CNTN1: variants seen among roughly 807,000 people sequenced by gnomAD.
CNTN1 encodes contactin-1.
CNTN1 carries 38 observed loss-of-function variants against 126.4 expected under a neutral mutation model. That is an observed-to-expected ratio of 0.30 (90% CI 0.23 to 0.39). CNTN1 has a LOEUF of 0.39. Ranked by LOEUF, CNTN1 falls within the 10% of genes least tolerant of loss-of-function variation. The pLI is 1.00. For missense variants in CNTN1, 1,009 were observed against 1,248.4 expected, an observed-to-expected ratio of 0.81 and a Z score of 2.89; for synonymous variants, 413 against 422.6, an observed-to-expected ratio of 0.98 and a Z score of 0.28.
intron 1 of CNTN1, among the ~76,000 whole-genome samples, chr12:40,727,376 A>G (rs1216804185): frequency 1.3e-5 from 2 of 152,046 alleles, no homozygotes; most frequent in African/African-American, 4.8e-5. Context: ...CAGAATTCAA[A>G]GCAAAGAGGA....
At chr12:40,817,227 G>A (rs1423744482) in intron 1 of CNTN1, among the ~76,000 whole-genome samples, 2 of 152,058 alleles carry the variant, frequency 1.3e-5, no homozygotes, top group Admixed American at 1.3e-4. Flanking sequence ...TCATTGATCT[G>A]CCTAATGCTG....
chr12:41,013,036 C>T (rs1948699803), intron 17 of CNTN1, among the ~76,000 whole-genome samples: 1 of 151,986 alleles, frequency 6.6e-6, no homozygotes, highest in Non-Finnish European at 1.5e-5. Context: ...AGAGGGGTCC[C>T]CGAGCAGAAA....
chr12:40,801,597 C>T (rs1025226259), intron 1 of CNTN1, among the ~76,000 whole-genome samples: 2 of 151,632 alleles, frequency 1.3e-5, no homozygotes, highest in African/African-American at 4.8e-5. Flanking sequence ...GCGCTCCTGA[C>T]AAGGAGCGTA....
At chr12:41,035,009 T>C (rs1330167828) in intron 23 of CNTN1, among the ~76,000 whole-genome samples, 1 of 152,186 alleles carries the variant, frequency 6.6e-6, no homozygotes, top group Non-Finnish European at 1.5e-5. Context: ...TCAGAAGCTT[T>C]GAGTACAACT....
At position 40,741,986 on chromosome 12, in the gene CNTN1, T is replaced by C. The variant is rs73110865; in HGVS notation, c.-77+49394T>C. The stretch of plus-strand genomic sequence containing the variant: ...CCCTCTTTACTGTAGGGGGAAAAAG[T>C]CTAAGCTTTCAAAACTTCCAAGAGT... On this transcript the variant is annotated intron_variant, in intron 1 of 23. Transcript: ENST00000551295. Among the ~76,000 whole-genome samples, 1,139 of 152,112 alleles carry C rather than the reference T, an allele frequency of 7.5e-3. 10 individuals carry two copies. Among genetic ancestry groups the C allele is most frequent in the Non-Finnish European group, 9.0e-3 (615 of 67,968 alleles).
At chr12:40,779,796 A>G (rs1939722600) in intron 1 of CNTN1, among the ~76,000 whole-genome samples, 1 of 151,968 alleles carries the variant, frequency 6.6e-6, no homozygotes, top group Non-Finnish European at 1.5e-5. Flanking sequence ...TGCCATTGAT[A>G]TCAAAGTGCA....
chr12:40,741,913 TG>T (rs1456887718), intron 1 of CNTN1, among the ~76,000 whole-genome samples: 10 of 92,656 alleles, frequency 1.1e-4, no homozygotes, highest in South Asian at 8.5e-4. Context: ...CTTGCTATTA[TG>T]TTTTTTTATT....
At chr12:40,857,300 T>C (rs1942946836) in intron 1 of CNTN1, among the ~76,000 whole-genome samples, 1 of 152,132 alleles carries the variant, frequency 6.6e-6, no homozygotes, top group Non-Finnish European at 1.5e-5. Context: ...GTTCACCAAA[T>C]AAGCCATTCT....
At chr12:41,046,666 C>A (rs1296620130) in intron 23 of CNTN1, among the ~76,000 whole-genome samples, 1 of 151,900 alleles carries the variant, frequency 6.6e-6, no homozygotes, top group African/African-American at 2.4e-5. Flanking sequence ...AGTTTAAGAA[C>A]CCCTGTAAAT....
Position 40,908,390 on chromosome 12 carries a change from A to T in CNTN1, c.-43A>T, listed in dbSNP as rs755888926. The T allele has an allele frequency of 6.5e-7, 1 of 1,546,942 alleles. No homozygotes were observed. Among genetic ancestry groups the T allele is most frequent in the Non-Finnish European group, 8.9e-7 (1 of 1,120,340 alleles). ...AATTATCCAACTGCCATAGAGCTAA[A>T]TTCTTTTTTGGAAAATTGAACCGAA... On this transcript the variant is annotated 5_prime_UTR_variant, in exon 2 of 24. Coordinates refer to ENST00000551295, the MANE Select transcript of CNTN1 (RefSeq NM_001843.4).
intron 7 of CNTN1, among the ~76,000 whole-genome samples, chr12:40,933,020 TC>T (rs1021454422): frequency 1.3e-5 from 2 of 151,948 alleles, no homozygotes; most frequent in African/African-American, 4.8e-5. Context: ...TCAATTTGTT[TC>T]CCTTTGCCTT....
At chr12:40,954,567 C>A (rs891214916) in intron 14 of CNTN1, among the ~76,000 whole-genome samples, 1 of 151,936 alleles carries the variant, frequency 6.6e-6, no homozygotes, top group African/African-American at 2.4e-5. Flanking sequence ...GAAGTTAGGC[C>A]AGCTGCAAAG....
rs762818004 is a variant in CNTN1 at position 40,924,542 on chromosome 12, T to C, written c.401-15T>C. The C allele has an allele frequency of 1.4e-6, 2 of 1,405,530 alleles. No individual in the cohort carries two copies. Among genetic ancestry groups the C allele is most frequent in the South Asian group, 1.2e-5 (1 of 85,780 alleles). The allele number at this position is 1,405,530 out of a possible 1,614,324, so 87.1% of individuals were successfully genotyped here. On this transcript the variant is annotated splice_polypyrimidine_tract_variant and intron_variant, in intron 5 of 23. Coordinates refer to ENST00000551295, the MANE Select transcript of CNTN1 (RefSeq NM_001843.4). Reference sequence around the variant, plus strand: ...CCAGAGAGTGAATGTTTCTCTTTTTTTCTTTCGTAATTAGATCTTGATCCT... The same window carrying C: ...CCAGAGAGTGAATGTTTCTCTTTTTCTCTTTCGTAATTAGATCTTGATCCT...
rs756602530 is a variant in CNTN1, at chr12:40,922,311, G to A, written c.283G>A (p.Gly95Arg). The A allele has an allele frequency of 2.5e-6, 4 of 1,613,984 alleles. No individual in the cohort carries two copies. The highest frequency in any genetic ancestry group is 1.7e-5 in the Admixed American group (1 of 60,006). The change falls in exon 5 of 24, where the codon GGA (glycine) becomes AGA (arginine). Residue 95 changes from glycine to arginine, a missense_variant. Coordinates refer to ENST00000551295, the MANE Select transcript of CNTN1 (RefSeq NM_001843.4). The stretch of plus-strand genomic sequence containing the variant: ...CACAAGTGATCGATACAGTATGGTA[G>A]GAGGAAACCTTGTTATCAACAACCC... ...DLTSDRYSMV[G>R]GNLVINNPDK...
intron 23 of CNTN1, among the ~76,000 whole-genome samples, chr12:41,040,864 G>C (rs1211222695): frequency 6.9e-6 from 1 of 145,700 alleles, no homozygotes; most frequent in Middle Eastern, 3.4e-3. Flanking sequence ...CTGCAAACAG[G>C]GACAATTTGA....
At chr12:40,869,914 T>C (rs1440228698) in intron 1 of CNTN1, among the ~76,000 whole-genome samples, 1 of 152,236 alleles carries the variant, frequency 6.6e-6, no homozygotes, top group African/African-American at 2.4e-5. Flanking sequence ...CACCAAAATC[T>C]CATCTTGAAT....
chr12:40,770,938 G>T (rs1355463898), intron 1 of CNTN1, among the ~76,000 whole-genome samples: 1 of 151,986 alleles, frequency 6.6e-6, no homozygotes, highest in Admixed American at 6.6e-5. Flanking sequence ...AAACTAATGA[G>T]GTGGAAACTC....
In CNTN1 at chr12:40,951,714, T is replaced by TAAAAAAAA. The variant is rs1294780787; in HGVS notation, c.1684-7400_1684-7399insAAAAAAAA. Among the ~76,000 whole-genome samples the TAAAAAAAA allele has an allele frequency of 5.7e-3, 449 of 78,486 alleles. 16 individuals carry two copies. Among genetic ancestry groups the TAAAAAAAA allele is most frequent in the African/African-American group, 0.013 (219 of 16,616 alleles). The allele number at this position is 78,486 out of a possible 152,430, so 51.5% of individuals were successfully genotyped here. On this transcript the variant is annotated intron_variant, in intron 14 of 23. Coordinates refer to ENST00000551295, the MANE Select transcript of CNTN1 (RefSeq NM_001843.4). ...AAAGAGTGAGACTTTGTCTCAAAAT[T>TAAAAAAAA]TAAAAAAAAAAAAAAAAAAAAAAAA...
chr12:40,937,005 G>C, intron 10 of CNTN1, 100 bp downstream of exon 10: 1 of 1,435,530 alleles, frequency 7.0e-7, no homozygotes, highest in Non-Finnish European at 9.8e-7. Context: ...ATACAGAAAG[G>C]GCACTTGGGC....
Sources: allele counts gnomAD v4.1 joint callset (sites outside exome capture counted in the v4.1 genomes callset), GRCh38; gene constraint gnomAD v4.1.1; transcripts MANE v1.5; gene names NCBI Gene and HGNC (gene_info 2026-07-23, HGNC 2026-07-21).